NMRAL1: variants seen among roughly 807,000 people sequenced by gnomAD.
The protein encoded by NMRAL1 is NmrA like redox sensor 1.
Under a neutral mutation model 27.5 loss-of-function variants are expected in NMRAL1, and 32 were observed. The observed-to-expected ratio is 1.16, with a 90% confidence interval of 0.88 to 1.56. NMRAL1 has a LOEUF of 1.56. Among genes scored for constraint, NMRAL1 ranks in the 40% most tolerant of loss-of-function variants. The pLI, the probability that NMRAL1 is intolerant of heterozygous loss-of-function variation, is 0.00. For synonymous variants in NMRAL1, 166 were observed against 166.8 expected, an observed-to-expected ratio of 1.00 and a Z score of 0.04; for missense variants, 420 against 392.0, an observed-to-expected ratio of 1.07 and a Z score of -0.60.
chr16:4,467,812 G>T (rs982661093), intron 3 of NMRAL1, among the ~76,000 whole-genome samples: 4 of 151,532 alleles, frequency 2.6e-5, no homozygotes, highest in Admixed American at 2.0e-4. Flanking sequence ...TAGAGACAGG[G>T]TTTCACTGTG....
chr16:4,474,238 C>A, intron 1 of NMRAL1, 72 bp from the exon 2 acceptor site: 1 of 1,118,348 alleles, frequency 8.9e-7, no homozygotes, highest in South Asian at 1.3e-5. Context: ...AGGACACCCC[C>A]ATTGTCTATG....
intron 3 of NMRAL1, among the ~76,000 whole-genome samples, chr16:4,468,984 AAAAC>A (rs1476794346): frequency 2.0e-5 from 3 of 151,956 alleles, no homozygotes; most frequent in South Asian, 2.1e-4. Context: ...AAAAAAAAAA[AAAAC>A]AAACGAACAG....
At position 4,469,599 on chromosome 16, in the gene NMRAL1, T is replaced by A. The variant is rs755982179; in HGVS notation, c.41-134A>T. ...TTCTCAACGACGATTCTCATTCAGG[T>A]ATTTTTATTTTCTTTATTTTATTTT... On this transcript the variant is annotated intron_variant, in intron 2 of 5. Transcript: ENST00000283429. 9 of 1,502,650 alleles carry A rather than the reference T, an allele frequency of 6.0e-6. No homozygotes were observed. In the South Asian group the frequency reaches 1.2e-4, roughly 20 times the overall value. 93.1% of individuals were successfully genotyped at this position (1,502,650 alleles called of 1,614,324 possible).
At chr16:4,470,807 C>T (rs1159177827) in intron 2 of NMRAL1, among the ~76,000 whole-genome samples, 5 of 151,906 alleles carry the variant, frequency 3.3e-5, no homozygotes, top group Non-Finnish European at 7.4e-5. Context: ...CTTAGCCGGG[C>T]GTGGTGGCGG....
rs149317402 is a variant in NMRAL1, at chr16:4,474,102, C to T, written c.31G>A (p.Gly11Arg). Residue 11 changes from glycine to arginine, a missense_variant, in exon 2 of 6, where the codon GGA (glycine) becomes AGA (arginine). By Grantham distance (125) the Gly-to-Arg change is moderately radical. Transcript: ENST00000283429. ...CTGGGGTTTGGCTCACCTGTGCCTC[C>T]GAAAACCACCACCAGTTTCTTGTCC... MVDKKLVVVF[G>R]GTGAQGGSVA... 63 of 1,612,318 alleles carry T rather than the reference C, an allele frequency of 3.9e-5. 1 individual carries two copies. In the African/African-American group the frequency reaches 7.7e-4, roughly 20 times the overall value.
chr16:4,463,355 C>A, intron 5 of NMRAL1: 1 of 471,128 alleles, frequency 2.1e-6, no homozygotes. Context: ...TTTCCAGACT[C>A]TTTTCTCTTC....
At chr16:4,472,309 G>C (rs922270023) in intron 2 of NMRAL1, among the ~76,000 whole-genome samples, 1 of 152,022 alleles carries the variant, frequency 6.6e-6, no homozygotes, top group Non-Finnish European at 1.5e-5. Flanking sequence ...GGGTGTGGTG[G>C]TGCACACCTG....
At chr16:4,463,443 C>T in intron 5 of NMRAL1, 1 of 549,008 alleles carries the variant, frequency 1.8e-6, no homozygotes, top group Non-Finnish European at 3.1e-6. Flanking sequence ...GCCCTCTCCT[C>T]CTGGAAGCTT....
At chr16:4,469,139 C>CCAACCTGCCTGCAGTGG in intron 3 of NMRAL1, 88 bp downstream of exon 3, 1 of 846,190 alleles carries the variant, frequency 1.2e-6, no homozygotes, top group Non-Finnish European at 2.0e-6. Flanking sequence ...GCCTGCAGTG[C>CCAACCTGCCTGCAGTGG]TCCAACCTCC....
At chr16:4,467,730 C>T (rs372785758) in intron 3 of NMRAL1, among the ~76,000 whole-genome samples, 1 of 152,000 alleles carries the variant, frequency 6.6e-6, no homozygotes, top group East Asian at 2.0e-4. Flanking sequence ...AGCAATTCTC[C>T]TGCCTCAGCC....
chr16:4,466,230 C>T lies in NMRAL1; in HGVS notation c.452G>A (p.Arg151Gln), dbSNP rs571839313. 9 of 1,614,138 alleles carry T rather than the reference C, an allele frequency of 5.6e-6. No individual in the cohort carries two copies. Among genetic ancestry groups the T allele is most frequent in the African/African-American group, 1.3e-5 (1 of 75,046 alleles). ...RDIGVPMTSVRLPCYFENLLS... is the reference protein window; with the variant it reads ...RDIGVPMTSVQLPCYFENLLS... ...GAGGTTCTCAAAATAGCAGGGCAGC[C>T]GCACACTGGTCATGGGAACGCCAAT... Residue 151 changes from arginine to glutamine, a missense_variant, in exon 4 of 6, where the codon CGG becomes CAG. Arg to Gln is a conservative substitution (Grantham distance 43). Transcript: ENST00000283429.
chr16:4,471,317 T>G (rs1337159489), intron 2 of NMRAL1: 1 of 152,068 alleles, frequency 6.6e-6, no homozygotes, highest in Non-Finnish European at 1.5e-5. Context: ...GATGTACCCT[T>G]AAGATTTTGC....
chr16:4,469,564 C>T, intron 2 of NMRAL1, 99 bp from the exon 3 acceptor site: 2 of 1,549,620 alleles, frequency 1.3e-6, no homozygotes, highest in Non-Finnish European at 1.7e-6. Context: ...CAAGGAGCAT[C>T]CAGGAAACCT....
Position 4,466,387 on chromosome 16 carries a change from C to T in NMRAL1, c.295G>A (p.Asp99Asn). ...TGGAGGCCCAGGCGCCTGGCCAGAT[C>T]AGCGAGCAGCTTCCCCTGGAGGGCA... Reference protein sequence around the residue: ...QEVKQGKLLADLARRLGLHYV... With the variant: ...QEVKQGKLLANLARRLGLHYV... The change falls in exon 4 of 6, where the codon GAT (aspartate) becomes AAT (asparagine). Residue 99 changes from aspartate (D) to asparagine (N), a missense_variant. Asp to Asn is a conservative substitution (Grantham distance 23). Transcript: ENST00000283429. 1 of 1,612,390 alleles carries T rather than the reference C, an allele frequency of 6.2e-7. No homozygotes were observed. The highest frequency in any genetic ancestry group is 8.5e-7 in the Non-Finnish European group (1 of 1,179,748).
At chr16:4,468,818 C>G (rs139984093) in intron 3 of NMRAL1, among the ~76,000 whole-genome samples, 115 of 152,122 alleles carry the variant, frequency 7.6e-4, no homozygotes, top group Non-Finnish European at 1.3e-3. Flanking sequence ...AACCTACCTA[C>G]TGGGTACTGT....
upstream of NMRAL1, among the ~76,000 whole-genome samples, chr16:4,475,740 C>G (rs1018021575): frequency 1.3e-5 from 2 of 151,718 alleles, no homozygotes; most frequent in African/African-American, 4.8e-5. Context: ...GAGTTCGAGA[C>G]CAGCCTGGCC....
At chr16:4,469,547 A>G (rs62039231) in intron 2 of NMRAL1, 82 bp from the exon 3 acceptor site, 1,052,027 of 1,580,776 alleles carry the variant, frequency 0.67, 360,264 homozygotes, top group Non-Finnish European at 0.71. Context: ...GGAGTGCTCC[A>G]CCACAGCAAG....
In NMRAL1 at chr16:4,474,022, C is replaced by T. The variant is rs2057712628; in HGVS notation, c.40+71G>A. The T allele has an allele frequency of 4.7e-6, 6 of 1,271,932 alleles. 1 individual carries two copies. In the South Asian group the frequency reaches 7.4e-5, roughly 16 times the overall value. The allele number at this position is 1,271,932 out of a possible 1,614,324, so 78.8% of individuals were successfully genotyped here. A position where few individuals can be genotyped will look rare whatever the true frequency, so the allele number is the denominator to read the frequency against. ...CAGTGACCTTACCCCTCCCTGCAGA[C>T]CCCAGGACGGGCGGTCTTCAGGGCT... On this transcript the variant is annotated intron_variant, in intron 2 of 5. Transcript: ENST00000283429.
intron 5 of NMRAL1, 80 bp downstream of exon 5, chr16:4,463,580 G>A (rs762111247): frequency 8.0e-7 from 1 of 1,248,714 alleles, no homozygotes; most frequent in South Asian, 1.3e-5. Flanking sequence ...AGAGGTGTGG[G>A]CAGCCCTGGA....
Sources: allele counts gnomAD v4.1 joint callset (sites outside exome capture counted in the v4.1 genomes callset), GRCh38; gene constraint gnomAD v4.1.1; transcripts MANE v1.5; gene names NCBI Gene and HGNC (gene_info 2026-07-23, HGNC 2026-07-21).